KCNH1: variants seen among roughly 807,000 people sequenced by gnomAD.
The protein encoded by KCNH1 is potassium voltage-gated channel subfamily H member 1, also known as voltage-gated delayed rectifier potassium channel KCNH1.
KCNH1 carries 27 observed loss-of-function variants against 69.2 expected under a neutral mutation model. The ratio of observed to expected loss-of-function variants is 0.39; its 90% confidence interval spans 0.29 to 0.54. The LOEUF (loss-of-function observed/expected upper bound fraction) is 0.54. Among genes scored for constraint, KCNH1 ranks in the 20% least tolerant of loss-of-function variants. The probability of loss-of-function intolerance (pLI) is 0.68; values close to 1 mark genes in which losing one functional copy is unlikely to be tolerated. For missense variants in KCNH1, 798 were observed against 1,261.6 expected (o/e 0.63, Z 5.57); for synonymous variants, 456 against 487.7 (o/e 0.93, Z 0.86).
At chr1:210,925,058 A>T (rs949858688) in intron 6 of KCNH1, among the ~76,000 whole-genome samples, 1 of 152,256 alleles carries the variant, frequency 6.6e-6, no homozygotes, top group Non-Finnish European at 1.5e-5. Context: ...CAATTCTACC[A>T]GATGCACAGA....
intron 5 of KCNH1, among the ~76,000 whole-genome samples, chr1:211,036,773 A>T (rs1689906575): frequency 6.6e-6 from 1 of 152,098 alleles, no homozygotes; most frequent in Non-Finnish European, 1.5e-5. Context: ...ATGTGCTTCT[A>T]TTGTCTTCCT....
chr1:210,911,241 A>G (rs1204955042), intron 7 of KCNH1, among the ~76,000 whole-genome samples: 1 of 152,004 alleles, frequency 6.6e-6, no homozygotes, highest in Non-Finnish European at 1.5e-5. Flanking sequence ...TGGGGTATAT[A>G]CTGCCTGACC....
chr1:210,693,144 A>T (rs1286275382), intron 10 of KCNH1, among the ~76,000 whole-genome samples: 1 of 152,222 alleles, frequency 6.6e-6, no homozygotes, highest in Non-Finnish European at 1.5e-5. Flanking sequence ...GACCCTGAGG[A>T]AATTACTTGA....
intron 2 of KCNH1, among the ~76,000 whole-genome samples, chr1:211,106,942 C>T (rs1691357907): frequency 6.6e-6 from 1 of 152,178 alleles, no homozygotes; most frequent in Non-Finnish European, 1.5e-5. Flanking sequence ...GAGCCTCTAA[C>T]TTTCACATTT....
intron 3 of KCNH1, among the ~76,000 whole-genome samples, chr1:211,091,583 A>G (rs1691052404): frequency 6.6e-6 from 1 of 152,216 alleles, no homozygotes; most frequent in Non-Finnish European, 1.5e-5. Flanking sequence ...TCCCCCATAC[A>G]AAGCTCTCCA....
At chr1:210,839,901 C>A (rs573895585) in intron 7 of KCNH1, among the ~76,000 whole-genome samples, 2 of 152,254 alleles carry the variant, frequency 1.3e-5, no homozygotes, top group African/African-American at 4.8e-5. Flanking sequence ...GAAGAATCAC[C>A]TGACGGTCTG....
intron 7 of KCNH1, among the ~76,000 whole-genome samples, chr1:210,804,518 TAA>T (rs1558476714): frequency 6.6e-6 from 1 of 152,184 alleles, no homozygotes; most frequent in African/African-American, 2.4e-5. Context: ...CTTTCTGTCA[TAA>T]AAAGTTTGAG....
chr1:210,824,921 T>A (rs1176743064), intron 7 of KCNH1, among the ~76,000 whole-genome samples: 1 of 152,136 alleles, frequency 6.6e-6, no homozygotes, highest in Non-Finnish European at 1.5e-5. Context: ...TTTTGAAGAG[T>A]CAATACATTT....
intron 6 of KCNH1, among the ~76,000 whole-genome samples, chr1:210,966,206 T>G (rs1345351482): frequency 6.6e-6 from 1 of 152,166 alleles, no homozygotes; most frequent in African/African-American, 2.4e-5. Context: ...ACTGAACCCC[T>G]TCCTTACACC....
At chr1:210,709,224 G>A (rs1681992217) in intron 10 of KCNH1, among the ~76,000 whole-genome samples, 2 of 152,182 alleles carry the variant, frequency 1.3e-5, no homozygotes, top group Admixed American at 1.3e-4. Flanking sequence ...ACTCCAGCCT[G>A]GGCAACAGTG....
intron 6 of KCNH1, among the ~76,000 whole-genome samples, chr1:211,007,473 C>G (rs1689306918): frequency 6.6e-6 from 1 of 152,222 alleles, no homozygotes; most frequent in South Asian, 2.1e-4. Context: ...TCCCCTAGCC[C>G]CACATACAAT....
intron 6 of KCNH1, among the ~76,000 whole-genome samples, chr1:210,933,409 T>A (rs1687716161): frequency 6.6e-6 from 1 of 152,016 alleles, no homozygotes; most frequent in African/African-American, 2.4e-5. Context: ...ATATATCTAA[T>A]GCTAAATGAT....
At chr1:210,954,353 T>C (rs1008880167) in intron 6 of KCNH1, among the ~76,000 whole-genome samples, 4 of 152,210 alleles carry the variant, frequency 2.6e-5, no homozygotes, top group East Asian at 1.9e-4. Context: ...TGAATAGTGC[T>C]GCAATAAACA....
At chr1:211,080,570 C>T (rs570305833) in intron 5 of KCNH1, among the ~76,000 whole-genome samples, 2 of 152,310 alleles carry the variant, frequency 1.3e-5, no homozygotes, top group Non-Finnish European at 2.9e-5. Flanking sequence ...TCCAACGATA[C>T]TACAAGGCTA....
At chr1:210,828,227 G>A (rs535416478) in intron 7 of KCNH1, among the ~76,000 whole-genome samples, 5 of 152,244 alleles carry the variant, frequency 3.3e-5, no homozygotes, top group Middle Eastern at 3.4e-3. Context: ...TGTTCATGAC[G>A]ATGGGAGGAA....
In KCNH1 at chr1:210,824,328, TTA is replaced by T. The variant is rs907806846; in HGVS notation, c.1463-20164_1463-20163del. The stretch of plus-strand genomic sequence containing the variant: ...CTATGTAGATATAATCTACATAAGA[TTA>T]TGTCTACAGATATATATCTATTGAT... On this transcript the variant is annotated intron_variant, in intron 7 of 10. Coordinates refer to ENST00000271751, the MANE Select transcript of KCNH1 (RefSeq NM_172362.3). 1.7e-3 allele frequency among the ~76,000 whole-genome samples: 264 copies of T among 151,368 alleles called. 1 individual carries two copies. The highest frequency in any genetic ancestry group is 6.1e-3 in the African/African-American group (250 of 41,286).
At chr1:210,880,665 G>A (rs183877287) in intron 7 of KCNH1, among the ~76,000 whole-genome samples, 76 of 152,134 alleles carry the variant, frequency 5.0e-4, no homozygotes, top group African/African-American at 1.7e-3. Context: ...AGATCATCTC[G>A]GGTTTGGTGA....
chr1:211,039,791 A>T (rs1689957644), intron 5 of KCNH1, among the ~76,000 whole-genome samples: 1 of 152,198 alleles, frequency 6.6e-6, no homozygotes. Context: ...GTGTCTAGGA[A>T]GTAACTAGCT....
chr1:210,839,165 T>G (rs897851223), intron 7 of KCNH1, among the ~76,000 whole-genome samples: 1 of 152,176 alleles, frequency 6.6e-6, no homozygotes, highest in African/African-American at 2.4e-5. Flanking sequence ...AACCTGAATG[T>G]CCATCAGTGA....
Sources: gnomAD v4.1 joint callset for allele counts (sites outside exome capture counted in the v4.1 genomes callset) on GRCh38, gnomAD v4.1.1 for gene constraint, MANE v1.5 for transcripts, NCBI Gene and HGNC (gene_info 2026-07-23, HGNC 2026-07-21) for gene names.